The following GTF2F2 variants were observed in gnomAD, a reference collection of about 807,000 sequenced individuals.
The protein encoded by GTF2F2 is ATP-dependent helicase GTF2F2.
In GTF2F2, 23 loss-of-function variants were observed where a neutral mutation model predicts 42.2. The observed-to-expected ratio is 0.55, with a 90% CI of 0.39 to 0.77. The LOEUF (loss-of-function observed/expected upper bound fraction) is 0.77, where lower values mean the gene tolerates loss of function less well. Ranked by LOEUF, GTF2F2 falls within the 30% of genes least tolerant of loss-of-function variation. The probability of loss-of-function intolerance (pLI) is 0.00; values close to 1 mark genes in which losing one functional copy is unlikely to be tolerated. For missense variants in GTF2F2, 261 were observed against 287.2 expected (o/e 0.91, Z 0.66); for synonymous variants, 105 against 100.8 (o/e 1.04, Z -0.25).
intron 5 of GTF2F2, among the ~76,000 whole-genome samples, chr13:45,210,750 G>A (rs1873598795): frequency 6.6e-6 from 1 of 152,192 alleles, no homozygotes; most frequent in Non-Finnish European, 1.5e-5. Flanking sequence ...ATGTTAAAGA[G>A]TCTTAGATAC....
chr13:45,263,921 T>C, intron 6 of GTF2F2: 1 of 182,934 alleles, frequency 5.5e-6, no homozygotes, highest in South Asian at 1.3e-4. Flanking sequence ...CAAAGTGGTT[T>C]GGGAATATAA....
intron 5 of GTF2F2, among the ~76,000 whole-genome samples, chr13:45,210,535 A>G (rs533327911): frequency 9.9e-5 from 15 of 152,216 alleles, no homozygotes; most frequent in African/African-American, 3.4e-4. Context: ...TAGTTTACTT[A>G]TATTTATTGC....
chr13:45,266,855 A>T (rs1479542109), intron 6 of GTF2F2, among the ~76,000 whole-genome samples: 3 of 152,234 alleles, frequency 2.0e-5, no homozygotes, highest in Non-Finnish European at 2.9e-5. Flanking sequence ...ATGACTCAAA[A>T]GAGAATGCCT....
At chr13:45,124,047 C>T (rs1868834346) in intron 1 of GTF2F2, 2 of 1,140,816 alleles carry the variant, frequency 1.8e-6, no homozygotes, top group African/African-American at 1.5e-5. Flanking sequence ...ATGAGGTCCC[C>T]CACCCTGTTG....
At chr13:45,280,885 G>A (rs1877234531) in intron 7 of GTF2F2, among the ~76,000 whole-genome samples, 1 of 152,154 alleles carries the variant, frequency 6.6e-6, no homozygotes, top group South Asian at 2.1e-4. Flanking sequence ...CCATTGCAGT[G>A]CATCCACAAT....
At chr13:45,178,879 G>T (rs1309737510) in intron 4 of GTF2F2, among the ~76,000 whole-genome samples, 1 of 152,174 alleles carries the variant, frequency 6.6e-6, no homozygotes, top group Non-Finnish European at 1.5e-5. Context: ...TCTGCATTCA[G>T]CTGGGGGGTT....
At chr13:45,241,790 C>T (rs1680751734) in intron 5 of GTF2F2, among the ~76,000 whole-genome samples, 1 of 152,070 alleles carries the variant, frequency 6.6e-6, no homozygotes, top group Non-Finnish European at 1.5e-5. Flanking sequence ...GACTTTTCTT[C>T]TTTTTTCCTC....
Position 45,187,277 on chromosome 13 carries a change from GT to G in GTF2F2, c.305-20143del, listed in dbSNP as rs548558924. On this transcript the variant is annotated intron_variant, in intron 4 of 7. Transcript: ENST00000340473. ...TATTTTAAAAATTTAAAAGGGGTAT[GT>G]TTTAATTGTCTCATTTTTAAATATC... Among the ~76,000 whole-genome samples the G allele has an allele frequency of 2.8e-4, 43 of 152,176 alleles. No individual in the cohort carries two copies. The South Asian group carries it at 8.5e-3, about 30-fold the overall frequency.
intron 4 of GTF2F2, among the ~76,000 whole-genome samples, chr13:45,164,141 G>A (rs568165842): frequency 2.0e-5 from 3 of 152,254 alleles, no homozygotes; most frequent in African/African-American, 4.8e-5. Flanking sequence ...TTAGTCCAGC[G>A]TGGTGGCAGA....
intron 3 of GTF2F2, among the ~76,000 whole-genome samples, chr13:45,151,225 G>A (rs1054520941): frequency 1.9e-4 from 29 of 150,238 alleles, no homozygotes; most frequent in African/African-American, 6.5e-4. Flanking sequence ...GAGAACATGT[G>A]GTATTTGGTT....
chr13:45,123,110 G>C (rs143320631), intron 1 of GTF2F2: 2 of 152,190 alleles, frequency 1.3e-5, no homozygotes, highest in East Asian at 3.9e-4. Flanking sequence ...AGTGTGATCT[G>C]TCTGGGACAT....
chr13:45,235,623 T>A (rs1874932734), intron 5 of GTF2F2, among the ~76,000 whole-genome samples: 4 of 151,952 alleles, frequency 2.6e-5, no homozygotes, highest in Admixed American at 2.6e-4. Flanking sequence ...AGAGTCCCGC[T>A]GTGTTGCCCA....
chr13:45,169,247 A>T (rs972566444), intron 4 of GTF2F2, among the ~76,000 whole-genome samples: 1 of 152,166 alleles, frequency 6.6e-6, no homozygotes, highest in Admixed American at 6.5e-5. Flanking sequence ...CGATGAATTT[A>T]AAAAGAGGCA....
At chr13:45,182,547 A>G (rs895365429) in intron 4 of GTF2F2, among the ~76,000 whole-genome samples, 1 of 152,046 alleles carries the variant, frequency 6.6e-6, no homozygotes, top group African/African-American at 2.4e-5. Flanking sequence ...CTCTTCCTCC[A>G]TCTCCAGAGC....
chr13:45,272,996 G>C (rs983098433), intron 7 of GTF2F2, among the ~76,000 whole-genome samples: 1 of 137,586 alleles, frequency 7.3e-6, no homozygotes, highest in Non-Finnish European at 1.5e-5. Flanking sequence ...GCGCAATCTC[G>C]GCTCACTGCA....
intron 1 of GTF2F2, among the ~76,000 whole-genome samples, chr13:45,126,489 A>T (rs1869009950): frequency 6.6e-6 from 1 of 152,068 alleles, no homozygotes; most frequent in Admixed American, 6.6e-5. Flanking sequence ...TGACCTCGTG[A>T]TCCCCCTGCC....
intron 4 of GTF2F2, chr13:45,207,113 T>G (rs1593491349): frequency 4.1e-6 from 1 of 244,088 alleles, no homozygotes; most frequent in South Asian, 8.3e-5. Context: ...ACGATAGCCT[T>G]TATACTCTTT....
chr13:45,163,085 A>G (rs113169529), intron 4 of GTF2F2, among the ~76,000 whole-genome samples: 1,985 of 152,088 alleles, frequency 0.013, 42 homozygotes, highest in African/African-American at 0.042. Context: ...GTGTTAGGCA[A>G]TGTGCTCCAA....
intron 2 of GTF2F2, among the ~76,000 whole-genome samples, chr13:45,147,451 G>A (rs1870250655): frequency 6.6e-6 from 1 of 152,182 alleles, no homozygotes; most frequent in Admixed American, 6.5e-5. Context: ...GCTAAATTCA[G>A]GAGTGCTAGA....
Sources: gnomAD v4.1 joint callset for allele counts (sites outside exome capture counted in the v4.1 genomes callset) on GRCh38, gnomAD v4.1.1 for gene constraint, MANE v1.5 for transcripts, NCBI Gene and HGNC (gene_info 2026-07-23, HGNC 2026-07-21) for gene names.